The following FHIP1A variants were observed in gnomAD, a reference collection of about 807,000 sequenced individuals.
FHIP1A encodes FHF complex subunit HOOK interacting protein 1A, also known as FHF complex subunit HOOK-interacting protein 1A.
FHIP1A carries 61 observed loss-of-function variants against 88.6 expected under a neutral mutation model. The ratio of observed to expected loss-of-function variants is 0.69; its 90% CI spans 0.56 to 0.85. The LOEUF is 0.85. Among genes scored for constraint, FHIP1A ranks in the 40% least tolerant of loss-of-function variants. The pLI, the probability that FHIP1A is intolerant of heterozygous loss-of-function variation, is 0.00. For missense variants in FHIP1A, 1,154 were observed against 1,273.5 expected, an observed-to-expected ratio of 0.91 and a Z score of 1.43; for synonymous variants, 478 against 496.0, an observed-to-expected ratio of 0.96 and a Z score of 0.48.
rs576574382 is a variant in FHIP1A, at chr4:151,504,981, C to T, written c.-123+22333C>T. 7.2e-5 allele frequency among the ~76,000 whole-genome samples: 11 copies of T among 152,202 alleles called. No homozygotes were observed. In the East Asian group the frequency reaches 1.9e-3, roughly 27 times the overall value. Reference sequence around the variant, plus strand: ...TCAGGACTCTACTATCAGAGAAATTCATTTGCTCTTGCCCATTACCCCCCG... The same window carrying T: ...TCAGGACTCTACTATCAGAGAAATTTATTTGCTCTTGCCCATTACCCCCCG... On this transcript the variant is annotated intron_variant, in intron 3 of 13. Transcript: ENST00000435205.
chr4:151,614,680 T>C, intron 7 of FHIP1A, among the ~76,000 whole-genome samples: 1 of 152,170 alleles, frequency 6.6e-6, no homozygotes, highest in East Asian at 1.9e-4. Flanking sequence ...TTTTTACATC[T>C]CTCAGAGGTG....
chr4:151,465,546 C>G (rs927454114), intron 2 of FHIP1A, among the ~76,000 whole-genome samples: 13 of 152,170 alleles, frequency 8.5e-5, no homozygotes, highest in Non-Finnish European at 2.9e-5. Context: ...ATCCTGATAC[C>G]AAAACCTGGC....
At chr4:151,466,280 T>C (rs1319596699) in intron 2 of FHIP1A, among the ~76,000 whole-genome samples, 2 of 152,052 alleles carry the variant, frequency 1.3e-5, no homozygotes, top group Non-Finnish European at 2.9e-5. Context: ...ACAAGGGACA[T>C]GAAGGAACTC....
chr4:151,592,903 A>G (rs950035040), intron 7 of FHIP1A, among the ~76,000 whole-genome samples: 1 of 152,168 alleles, frequency 6.6e-6, no homozygotes, highest in African/African-American at 2.4e-5. Context: ...TAGGTCTTAC[A>G]TTTAACTCTT....
chr4:151,437,247 A>G (rs1022849869), intron 1 of FHIP1A, among the ~76,000 whole-genome samples: 2 of 152,090 alleles, frequency 1.3e-5, no homozygotes, highest in African/African-American at 2.4e-5. Flanking sequence ...GGAGAAAGAT[A>G]TATGTATATA....
chr4:151,650,371 C>G lies in FHIP1A; in HGVS notation c.2330C>G (p.Pro777Arg), dbSNP rs1578863325. 6.4e-7 allele frequency: 1 copy of G among 1,551,710 alleles called. No homozygotes were observed. The highest frequency in any genetic ancestry group is 8.7e-7 in the Non-Finnish European group (1 of 1,147,002). The change falls in exon 11 of 14, where the codon CCT becomes CGT. Residue 777 changes from proline (P) to arginine (R), a missense_variant. Transcript: ENST00000435205. Reference sequence around the variant, plus strand: ...TTGATGGAACAGAATTACCCCACACCTGATCCCTTGCTTCTCACTAAGGAG... The same window carrying G: ...TTGATGGAACAGAATTACCCCACACGTGATCCCTTGCTTCTCACTAAGGAG... ...EGLMEQNYPT[P>R]DPLLLTKEEE...
chr4:151,598,357 T>G (rs903699642), intron 7 of FHIP1A, among the ~76,000 whole-genome samples: 1 of 152,184 alleles, frequency 6.6e-6, no homozygotes, highest in African/African-American at 2.4e-5. Context: ...GTTGGTAGGC[T>G]GCACCCACTG....
chr4:151,638,033 C>T (rs1736420365), intron 8 of FHIP1A, among the ~76,000 whole-genome samples: 2 of 152,142 alleles, frequency 1.3e-5, no homozygotes, highest in Non-Finnish European at 1.5e-5. Context: ...TTGGGTATCT[C>T]CCCTGTTTGG....
chr4:151,569,884 C>T (rs1319365937), intron 4 of FHIP1A, among the ~76,000 whole-genome samples: 1 of 152,128 alleles, frequency 6.6e-6, no homozygotes. Context: ...CTTCTGGGTC[C>T]AGTGATCTCA....
intron 3 of FHIP1A, among the ~76,000 whole-genome samples, chr4:151,502,319 AAAAC>A (rs70941501): frequency 0.084 from 12,586 of 149,484 alleles, 599 homozygotes; most frequent in Middle Eastern, 0.1. Flanking sequence ...CCCATCTCAA[AAAAC>A]AAACAAACAA....
intron 3 of FHIP1A, among the ~76,000 whole-genome samples, chr4:151,532,335 C>A (rs916010441): frequency 6.6e-6 from 1 of 152,142 alleles, no homozygotes; most frequent in Non-Finnish European, 1.5e-5. Context: ...AAGCTAGTAC[C>A]TCAAGTATCT....
At chr4:151,610,126 T>G (rs1735266951) in intron 7 of FHIP1A, among the ~76,000 whole-genome samples, 1 of 152,202 alleles carries the variant, frequency 6.6e-6, no homozygotes. Flanking sequence ...GTAGAGCACT[T>G]AATCTTTCTG....
chr4:151,617,077 G>A (rs1735568163), intron 7 of FHIP1A, among the ~76,000 whole-genome samples: 1 of 152,020 alleles, frequency 6.6e-6, no homozygotes, highest in Non-Finnish European at 1.5e-5. Context: ...TAGAAGCCTG[G>A]CTCCCAGGAG....
intron 3 of FHIP1A, among the ~76,000 whole-genome samples, chr4:151,488,576 A>G (rs541687553): frequency 1.3e-5 from 2 of 152,244 alleles, no homozygotes; most frequent in South Asian, 2.1e-4. Context: ...TGTCTTTACT[A>G]TTGTGAATAG....
chr4:151,637,549 G>A (rs550562920), intron 8 of FHIP1A, among the ~76,000 whole-genome samples: 2 of 152,268 alleles, frequency 1.3e-5, no homozygotes, highest in South Asian at 4.2e-4. Flanking sequence ...GTGATTTGCA[G>A]GGGTTACTGT....
At chr4:151,644,712 G>A (rs1736721985) in intron 9 of FHIP1A, among the ~76,000 whole-genome samples, 1 of 152,152 alleles carries the variant, frequency 6.6e-6, no homozygotes, top group Non-Finnish European at 1.5e-5. Context: ...TGCCACAGCA[G>A]CATCAGCCAT....
At chr4:151,514,419 C>G (rs1170451605) in intron 3 of FHIP1A, among the ~76,000 whole-genome samples, 2 of 151,348 alleles carry the variant, frequency 1.3e-5, no homozygotes, top group African/African-American at 2.4e-5. Context: ...CAAACACATT[C>G]AAAAGCTAGC....
intron 1 of FHIP1A, among the ~76,000 whole-genome samples, chr4:151,449,281 T>C (rs192551494): frequency 6.6e-6 from 1 of 152,282 alleles, no homozygotes; most frequent in Admixed American, 6.5e-5. Flanking sequence ...AGGCAGGCAT[T>C]ATTTGTAACC....
intron 3 of FHIP1A, among the ~76,000 whole-genome samples, chr4:151,494,504 GCT>G (rs1439816880): frequency 1.3e-5 from 2 of 151,926 alleles, no homozygotes; most frequent in African/African-American, 2.4e-5. Flanking sequence ...TTATTTCTAG[GCT>G]CTCTATTCTG....
Sources: gnomAD v4.1 joint callset for allele counts (sites outside exome capture counted in the v4.1 genomes callset) on GRCh38, gnomAD v4.1.1 for gene constraint, MANE v1.5 for transcripts, NCBI Gene and HGNC (gene_info 2026-07-23, HGNC 2026-07-21) for gene names.